Variants in SYMPK observed in about 807,000 individuals in gnomAD.
SYMPK encodes symplekin.
SYMPK carries 49 observed loss-of-function variants against 136.4 expected under a neutral mutation model. The ratio of observed to expected loss-of-function variants is 0.36; its 90% CI spans 0.29 to 0.46. SYMPK has a LOEUF of 0.46. Ranked by LOEUF, SYMPK falls within the 20% of genes least tolerant of loss-of-function variation. The pLI is 1.00. For synonymous variants in SYMPK, 766 were observed against 713.0 expected (o/e 1.07, Z -1.19); for missense variants, 1,365 against 1,690.0 (o/e 0.81, Z 3.37).
At position 45,823,440 on chromosome 19, in the gene SYMPK, G is replaced by A. The variant is rs1182121346; in HGVS notation, c.2632C>T (p.Arg878Trp). ...PPSPELVKRV[R>W]DLYHKRLPDV... ...GGCAGTCGCTTGTGGTAGAGATCCC[G>A]GACCCGCTTCACCAGCTCTGGGGAG... The change falls in exon 20 of 27, where the codon CGG becomes TGG. Residue 878 changes from arginine to tryptophan, a missense_variant. Around this residue, in one of 11 missense-constraint regions of SYMPK, gnomAD observed 92 missense variants for 198.6 expected, o/e 0.46. Transcript: ENST00000245934. The A allele has an allele frequency of 1.9e-6, 3 of 1,613,876 alleles. No homozygotes were observed. The highest frequency in any genetic ancestry group is 1.1e-5 in the South Asian group (1 of 91,086).
intron 3 of SYMPK, among the ~76,000 whole-genome samples, chr19:45,853,748 C>CGG (rs1971749310): frequency 6.6e-6 from 1 of 151,868 alleles, no homozygotes. Context: ...TCTGGGCTCC[C>CGG]AGAGCCCCCC....
intron 5 of SYMPK, among the ~76,000 whole-genome samples, chr19:45,850,076 A>G (rs564312785): frequency 6.6e-6 from 1 of 152,014 alleles, no homozygotes; most frequent in South Asian, 2.1e-4. Context: ...AACAAAAAAA[A>G]ACAACAACAG....
Position 45,821,532 on chromosome 19 carries a change from A to G in SYMPK, c.2792-47T>C. On this transcript the variant is annotated intron_variant, in intron 21 of 26. Coordinates refer to ENST00000245934, the MANE Select transcript of SYMPK (RefSeq NM_004819.3). This position sits in a 1 kb window ranked among gnomAD's most constrained non-coding sequence, Gnocchi z 4.4. ...GTGGGGGAAGACAGTGCGGACGCAT[A>G]AGTGAAGAGATGGGTCTGAGTTCCC... The G allele has an allele frequency of 7.5e-7, 1 of 1,331,960 alleles. No individual in the cohort carries two copies. The highest frequency in any genetic ancestry group is 1.1e-6 in the Non-Finnish European group (1 of 931,882). The allele number at this position is 1,331,960 out of a possible 1,614,324, so 82.5% of individuals were successfully genotyped here.
At chr19:45,857,317 G>A (rs1377051866) in intron 1 of SYMPK, among the ~76,000 whole-genome samples, 1 of 144,920 alleles carries the variant, frequency 6.9e-6, no homozygotes, top group East Asian at 2.2e-4. Context: ...GGCTGAGGCA[G>A]GAGAATGGCA....
intron 16 of SYMPK, 105 bp downstream of exon 16, chr19:45,827,405 G>A (rs1052575805): frequency 2.0e-5 from 15 of 753,344 alleles, no homozygotes; most frequent in African/African-American, 1.6e-4. Context: ...TGGGCCCAGA[G>A]AAACTTGCAA....
chr19:45,848,109 C>T (rs1971611936), intron 6 of SYMPK, 108 bp from the exon 7 acceptor site: 1 of 1,351,844 alleles, frequency 7.4e-7, no homozygotes, highest in Non-Finnish European at 1.0e-6. Flanking sequence ...ATGATGAATA[C>T]ATTCATTTGG....
Position 45,827,768 on chromosome 19 carries a change from C to G in SYMPK, c.2067+69G>C. On this transcript the variant is annotated intron_variant, in intron 15 of 26. Coordinates refer to ENST00000245934, the MANE Select transcript of SYMPK (RefSeq NM_004819.3). Reference sequence around the variant, plus strand: ...CCGGCCACAAGGTTTAGACTGTGTGCCCTTCAGACCCCTCAGGGCAGGGCC... The same window carrying G: ...CCGGCCACAAGGTTTAGACTGTGTGGCCTTCAGACCCCTCAGGGCAGGGCC... The G allele has an allele frequency of 3.2e-6, 5 of 1,550,194 alleles. No homozygotes were observed. The East Asian group carries it at 9.0e-5, about 28-fold the overall frequency.
chr19:45,823,589 G>C, intron 19 of SYMPK, 117 bp from the exon 20 acceptor site: 2 of 1,043,800 alleles, frequency 1.9e-6, no homozygotes, highest in Non-Finnish European at 1.5e-6. Flanking sequence ...CTTCACCCTT[G>C]GCTGCTCACG....
At position 45,828,970 on chromosome 19, in the gene SYMPK, C is replaced by T. The variant is rs1343647866; in HGVS notation, c.1985G>A (p.Gly662Glu). 2 of 1,613,856 alleles carry T rather than the reference C, an allele frequency of 1.2e-6. No homozygotes were observed. Among genetic ancestry groups the T allele is most frequent in the Non-Finnish European group, 1.7e-6 (2 of 1,179,820 alleles). The change falls in exon 14 of 27, where the codon GGG becomes GAG. Residue 662 changes from glycine to glutamate, a missense_variant and splice_region_variant. Transcript: ENST00000245934. The stretch of plus-strand genomic sequence containing the variant: ...GAGGGTGCAGGGTCAGCCCCCTCAC[C>T]CATCCTTCTGGTCTGGTTTCTCCTG... ...GLQEKPDQKDGIFTKVVLEAP... is the reference protein window; with the variant it reads ...GLQEKPDQKDEIFTKVVLEAP...
At chr19:45,851,214 T>C (rs1035008010) in intron 5 of SYMPK, among the ~76,000 whole-genome samples, 11 of 152,132 alleles carry the variant, frequency 7.2e-5, no homozygotes, top group African/African-American at 2.7e-4. Flanking sequence ...TGATTCCTCT[T>C]TGGGGGATGA....
At position 45,854,159 on chromosome 19, in the gene SYMPK, C is replaced by T. The variant is rs774876341; in HGVS notation, c.171+16G>A. The stretch of plus-strand genomic sequence containing the variant: ...CCTTTCACCTGCTCAGCCCAGGATG[C>T]CCCCCGGGCCCTCACCTGTTTGAGC... On this transcript the variant is annotated intron_variant, in intron 3 of 26. Coordinates refer to ENST00000245934, the MANE Select transcript of SYMPK (RefSeq NM_004819.3). 2.5e-6 allele frequency: 4 copies of T among 1,612,752 alleles called. No individual in the cohort carries two copies. Among genetic ancestry groups the T allele is most frequent in the Middle Eastern group, 1.6e-4 (1 of 6,082 alleles).
chr19:45,821,273 G>A lies in SYMPK; in HGVS notation c.2893+111C>T. 1.2e-6 allele frequency: 1 copy of A among 835,868 alleles called. No individual in the cohort carries two copies. Among genetic ancestry groups the A allele is most frequent in the Non-Finnish European group, 2.0e-6 (1 of 489,012 alleles). 51.8% of individuals were successfully genotyped at this position (835,868 alleles called of 1,614,324 possible). On this transcript the variant is annotated intron_variant, in intron 22 of 26. Coordinates refer to ENST00000245934, the MANE Select transcript of SYMPK (RefSeq NM_004819.3). This position sits in a 1 kb window ranked among gnomAD's most constrained non-coding sequence, Gnocchi z 4.4. ...CTCTCCAGAGCTCTGAGGTGGGGCT[G>A]TGAGTGACAGTCTTTGACTTGGCAG...
At chr19:45,822,946 C>T (rs1465971025) in intron 20 of SYMPK, 100 bp from the exon 21 acceptor site, 29 of 928,190 alleles carry the variant, frequency 3.1e-5, no homozygotes, top group Non-Finnish European at 4.9e-5. Flanking sequence ...GAGCTGAGGG[C>T]AAGCTCTGGC....
chr19:45,851,596 A>G (rs151034273), intron 5 of SYMPK, among the ~76,000 whole-genome samples: 21,277 of 147,720 alleles, frequency 0.14, 1,580 homozygotes, highest in Admixed American at 0.18. Context: ...AAAAAAGGCC[A>G]GGCACAGTGA....
At chr19:45,832,169 TCTCA>T (rs1971194800) in intron 11 of SYMPK, among the ~76,000 whole-genome samples, 1 of 150,236 alleles carries the variant, frequency 6.7e-6, no homozygotes, top group African/African-American at 2.5e-5. Context: ...GGAGACGGAG[TCTCA>T]CTCCATCACC....
rs977583970 is a variant in SYMPK, at chr19:45,823,446, G to A, written c.2626C>T (p.Arg876Trp). Reference sequence around the variant, plus strand: ...CGCTTGTGGTAGAGATCCCGGACCCGCTTCACCAGCTCTGGGGAGGGTGGG... The same window carrying A: ...CGCTTGTGGTAGAGATCCCGGACCCACTTCACCAGCTCTGGGGAGGGTGGG... ...KVPPSPELVK[R>W]VRDLYHKRLP... Residue 876 changes from arginine (R) to tryptophan (W), a missense_variant, in exon 20 of 27, where the codon CGG becomes TGG. Coordinates refer to ENST00000245934, the MANE Select transcript of SYMPK (RefSeq NM_004819.3). 13 of 1,613,896 alleles carry A rather than the reference G, an allele frequency of 8.1e-6. No individual in the cohort carries two copies. Among genetic ancestry groups the A allele is most frequent in the East Asian group, 2.2e-5 (1 of 44,866 alleles).
chr19:45,835,314 G>T, intron 10 of SYMPK, 86 bp from the exon 11 acceptor site: 1 of 1,408,678 alleles, frequency 7.1e-7, no homozygotes, highest in South Asian at 1.5e-5. Context: ...CTGGGGAAAT[G>T]GCAGTGCCTA....
At chr19:45,830,352 C>A in intron 12 of SYMPK, 148 bp from the exon 13 acceptor site, 1 of 906,272 alleles carries the variant, frequency 1.1e-6, no homozygotes, top group Non-Finnish European at 1.6e-6. Context: ...GTCTCTGAGG[C>A]ACGGTGTGGC....
chr19:45,828,809 C>T (rs992079472), intron 14 of SYMPK, 161 bp downstream of exon 14: 19 of 667,298 alleles, frequency 2.8e-5, no homozygotes, highest in Admixed American at 2.0e-4. Context: ...CAACCTTGAA[C>T]GTGCCTCCAG....
Sources: gnomAD v4.1 joint callset for allele counts (sites outside exome capture counted in the v4.1 genomes callset) on GRCh38, gnomAD v4.1.1 for gene constraint, gnomAD v4.1.1 regional missense constraint, Gnocchi (gnomAD v3.1) non-coding constraint, MANE v1.5 for transcripts, NCBI Gene and HGNC (gene_info 2026-07-23, HGNC 2026-07-21) for gene names.